The following INPP5A variants were observed in gnomAD, a reference collection of about 807,000 sequenced individuals.
INPP5A encodes the protein 43 kDa inositol polyphosphate 5-phophatase.
In INPP5A, 14 loss-of-function variants were observed where a neutral mutation model predicts 65.2. The observed-to-expected ratio is 0.21, with a 90% CI of 0.14 to 0.34. The LOEUF (loss-of-function observed/expected upper bound fraction) is 0.34, where lower values mean the gene tolerates loss of function less well. Ranked by LOEUF, INPP5A falls within the 10% of genes least tolerant of loss-of-function variation. The probability of loss-of-function intolerance (pLI) is 1.00; values close to 1 mark genes in which losing one functional copy is unlikely to be tolerated. For missense variants in INPP5A, 431 were observed against 545.6 expected (o/e 0.79, Z 2.09); for synonymous variants, 207 against 208.3 (o/e 0.99, Z 0.05).
At chr10:132,577,857 G>A (rs945965923) in intron 1 of INPP5A, among the ~76,000 whole-genome samples, 9 of 152,314 alleles carry the variant, frequency 5.9e-5, no homozygotes, top group African/African-American at 9.6e-5. Context: ...TTGGTTACTC[G>A]GCAGCCGTCA....
chr10:132,766,848 T>C (rs2803987), intron 12 of INPP5A, among the ~76,000 whole-genome samples: 143,357 of 150,584 alleles, frequency 0.95, 68,279 homozygotes, highest in East Asian at 1. Context: ...GATTGGGAGC[T>C]GGAGGTGCGG....
At chr10:132,733,824 G>C (rs917983648) in intron 9 of INPP5A, among the ~76,000 whole-genome samples, 18 of 152,216 alleles carry the variant, frequency 1.2e-4, no homozygotes, top group Admixed American at 3.9e-4. Flanking sequence ...CTCTGCGCGT[G>C]AACAAGCTTG....
At chr10:132,541,818 G>A (rs1328683713) in intron 1 of INPP5A, among the ~76,000 whole-genome samples, 1 of 152,230 alleles carries the variant, frequency 6.6e-6, no homozygotes, top group Non-Finnish European at 1.5e-5. Context: ...TACTGTCATG[G>A]GCACCCCTGT....
chr10:132,605,150 C>T (rs2071829227), intron 1 of INPP5A, among the ~76,000 whole-genome samples: 1 of 141,780 alleles, frequency 7.1e-6, no homozygotes, highest in Admixed American at 7.0e-5. Flanking sequence ...AAGTGGATCC[C>T]CCAGGAGGGA....
intron 8 of INPP5A, among the ~76,000 whole-genome samples, chr10:132,721,756 G>A (rs1845887789): frequency 6.6e-6 from 1 of 151,638 alleles, no homozygotes; most frequent in South Asian, 2.1e-4. Flanking sequence ...TGTGGTGCCT[G>A]GGTTCTGTCT....
Position 132,545,534 on chromosome 10 carries a change from C to T in INPP5A, c.75+7363C>T, listed in dbSNP as rs188906138. On this transcript the variant is annotated intron_variant, in intron 1 of 15. Transcript: ENST00000368594. The surrounding 1 kb of genome is among the most constrained non-coding windows in gnomAD (Gnocchi z 4.6). ...CCCACTGCCCCTGCCGGGGTGTTCC[C>T]GCTGTCTCCTGGGCGGGTCCTTCTG... is the stretch of plus-strand genomic sequence containing the variant. Among the ~76,000 whole-genome samples, 6 of 152,314 alleles carry T rather than the reference C, an allele frequency of 3.9e-5. No individual in the cohort carries two copies. In the East Asian group the frequency reaches 9.7e-4, roughly 25 times the overall value.
At chr10:132,769,153 C>T (rs1846906408) in intron 12 of INPP5A, among the ~76,000 whole-genome samples, 1 of 152,222 alleles carries the variant, frequency 6.6e-6, no homozygotes, top group Non-Finnish European at 1.5e-5. Flanking sequence ...AAGGTGTTTG[C>T]CACTGATCCC....
chr10:132,780,833 T>C lies in INPP5A; in HGVS notation c.1090-16T>C. Reference sequence around the variant, plus strand: ...CCCCACCTCCCCACACTCACCTGTCTGTTTCCCCTTTCCAGTCGGAGAGCG... The same window carrying C: ...CCCCACCTCCCCACACTCACCTGTCCGTTTCCCCTTTCCAGTCGGAGAGCG... On this transcript the variant is annotated splice_polypyrimidine_tract_variant and intron_variant, in intron 13 of 15. Transcript: ENST00000368594. 1 of 1,612,328 alleles carries C rather than the reference T, an allele frequency of 6.2e-7. No individual in the cohort carries two copies. The highest frequency in any genetic ancestry group is 1.1e-5 in the South Asian group (1 of 91,072).
chr10:132,748,467 C>T (rs988048167), intron 9 of INPP5A, among the ~76,000 whole-genome samples: 2 of 152,182 alleles, frequency 1.3e-5, no homozygotes, highest in Admixed American at 1.3e-4. Flanking sequence ...CTGCCAAGCT[C>T]GGAGAGCTCA....
chr10:132,568,115 T>C (rs1480966617), intron 1 of INPP5A, among the ~76,000 whole-genome samples: 2 of 145,398 alleles, frequency 1.4e-5, no homozygotes, highest in African/African-American at 2.6e-5. Flanking sequence ...TGCTTGAACC[T>C]AGGAGGTGGA....
At chr10:132,569,460 G>A (rs2071310974) in intron 1 of INPP5A, among the ~76,000 whole-genome samples, 1 of 152,064 alleles carries the variant, frequency 6.6e-6, no homozygotes. Context: ...AGGCTCAAGG[G>A]ATCCTCCCAA....
At position 132,705,301 on chromosome 10, in the gene INPP5A, G is replaced by A. The variant is rs1002958430; in HGVS notation, c.475-3012G>A. Among the ~76,000 whole-genome samples, 2 of 152,218 alleles carry A rather than the reference G, an allele frequency of 1.3e-5. No individual in the cohort carries two copies. The highest frequency in any genetic ancestry group is 6.5e-5 in the Admixed American group (1 of 15,290). ...CAGAGACAAGTGTCTGGTGCAGCAC[G>A]CAGGGAGCCTGCCACCCCGCCACCC... On this transcript the variant is annotated intron_variant, in intron 6 of 15. Coordinates refer to ENST00000368594, the MANE Select transcript of INPP5A (RefSeq NM_005539.5). This position sits in a 1 kb window ranked among gnomAD's most constrained non-coding sequence, Gnocchi z 4.9.
At chr10:132,543,253 C>G (rs2070928845) in intron 1 of INPP5A, among the ~76,000 whole-genome samples, 1 of 152,096 alleles carries the variant, frequency 6.6e-6, no homozygotes, top group African/African-American at 2.4e-5. Flanking sequence ...CCCAGCCTCC[C>G]CACCCCCTGC....
At chr10:132,718,939 G>T (rs1438000832) in intron 8 of INPP5A, among the ~76,000 whole-genome samples, 14 of 149,530 alleles carry the variant, frequency 9.4e-5, no homozygotes, top group Non-Finnish European at 1.6e-4. Flanking sequence ...TGGTACCTGG[G>T]TTCTGTCTGG....
intron 11 of INPP5A, among the ~76,000 whole-genome samples, chr10:132,752,702 C>G (rs1245798087): frequency 9.5e-6 from 1 of 105,756 alleles, no homozygotes; most frequent in South Asian, 3.2e-4. Flanking sequence ...GGAGGGGGTG[C>G]GGCGTGGAGG....
rs1341887855 is a variant in INPP5A, at chr10:132,663,353, C to T, written c.306+12848C>T. Among the ~76,000 whole-genome samples the T allele has an allele frequency of 9.9e-5, 15 of 152,042 alleles. No homozygotes were observed. The highest frequency in any genetic ancestry group is 1.5e-4 in the Non-Finnish European group (10 of 68,012). On this transcript the variant is annotated intron_variant, in intron 4 of 15. Coordinates refer to ENST00000368594, the MANE Select transcript of INPP5A (RefSeq NM_005539.5). The surrounding 1 kb of genome is among the most constrained non-coding windows in gnomAD (Gnocchi z 4.5). ...CCTGTGGCCTCAGCCTCCCAAGTAG[C>T]TGAGGATACAGGTGTGCATCACCAC...
intron 2 of INPP5A, among the ~76,000 whole-genome samples, chr10:132,612,994 A>G (rs1040264471): frequency 3.3e-5 from 5 of 152,080 alleles, no homozygotes; most frequent in Admixed American, 6.5e-5. Flanking sequence ...ACCAGAGGCC[A>G]TGGGGGAGGG....
At position 132,662,165 on chromosome 10, in the gene INPP5A, C is replaced by T. The variant is rs576265671; in HGVS notation, c.306+11660C>T. On this transcript the variant is annotated intron_variant, in intron 4 of 15. Coordinates refer to ENST00000368594, the MANE Select transcript of INPP5A (RefSeq NM_005539.5). ...GACCTATGAAGACGACCGTGGCAAG[C>T]GCTGGGGAGGCGGTGGTAGCACTGC... is the stretch of plus-strand genomic sequence containing the variant. Among the ~76,000 whole-genome samples the T allele has an allele frequency of 9.3e-4, 142 of 152,266 alleles. 1 individual carries two copies. Among genetic ancestry groups the T allele is most frequent in the African/African-American group, 1.9e-3 (80 of 41,532 alleles).
At chr10:132,710,204 T>C in intron 7 of INPP5A, 133 bp from the exon 8 acceptor site, 1 of 955,834 alleles carries the variant, frequency 1.0e-6, no homozygotes, top group East Asian at 2.6e-5. Context: ...GGTGGACAGG[T>C]GCCCCGCCTC....
Sources: gnomAD v4.1 joint callset for allele counts (sites outside exome capture counted in the v4.1 genomes callset) on GRCh38, gnomAD v4.1.1 for gene constraint, Gnocchi (gnomAD v3.1) non-coding constraint, MANE v1.5 for transcripts, NCBI Gene and HGNC (gene_info 2026-07-23, HGNC 2026-07-21) for gene names.